MTFR1: variants seen among roughly 807,000 people sequenced by gnomAD.
MTFR1 encodes chondrocyte protein with a poly-proline region.
Under a neutral mutation model 38.8 loss-of-function variants are expected in MTFR1, and 28 were observed. The observed-to-expected ratio is 0.72, with a 90% CI of 0.53 to 0.99. The LOEUF (loss-of-function observed/expected upper bound fraction) is 0.99. Ranked by LOEUF, MTFR1 falls within the 50% of genes least tolerant of loss-of-function variation. The pLI, the probability that MTFR1 is intolerant of heterozygous loss-of-function variation, is 0.00. For missense variants in MTFR1, 358 were observed against 395.5 expected, an observed-to-expected ratio of 0.91 and a Z score of 0.81; for synonymous variants, 145 against 137.0, an observed-to-expected ratio of 1.06 and a Z score of -0.41.
rs542132340 is a variant in MTFR1 at position 65,733,413 on chromosome 8, T to C, written c.*48+13932T>C. Among the ~76,000 whole-genome samples, 4 of 152,308 alleles carry C rather than the reference T, an allele frequency of 2.6e-5. No individual in the cohort carries two copies. In the East Asian group the frequency reaches 7.7e-4, roughly 29 times the overall value. The stretch of plus-strand genomic sequence containing the variant: ...TTACTCATCAATCTCTCCCACAACA[T>C]TCTCAAACAGAGGATGCAGTCTTGG... On this transcript the variant is annotated intron_variant, in intron 3 of 3. Transcript: ENST00000521247.
Position 65,691,352 on chromosome 8 carries a change from A to G in MTFR1, c.166-2292A>G, listed in dbSNP as rs771456203. Among the ~76,000 whole-genome samples, 11 of 152,246 alleles carry G rather than the reference A, an allele frequency of 7.2e-5. No individual in the cohort carries two copies. The Middle Eastern group carries it at 0.01, about 141-fold the overall frequency. The stretch of plus-strand genomic sequence containing the variant: ...GCCCGGGCTGGAGTGTGGTGGTGCG[A>G]TCATGCCTCACTGCAGCCTCTGCCT... On this transcript the variant is annotated intron_variant, in intron 3 of 7. Coordinates refer to ENST00000262146, the MANE Select transcript of MTFR1 (RefSeq NM_014637.4).
At chr8:65,677,832 A>G (rs1804758498) in intron 2 of MTFR1, among the ~76,000 whole-genome samples, 1 of 151,278 alleles carries the variant, frequency 6.6e-6, no homozygotes, top group Non-Finnish European at 1.5e-5. Context: ...CCTGGCCAAC[A>G]TGGTGAAACC....
chr8:65,740,106 T>G (rs1252043591), intron 3 of MTFR1, among the ~76,000 whole-genome samples: 1 of 129,214 alleles, frequency 7.7e-6, no homozygotes, highest in Non-Finnish European at 1.6e-5. Flanking sequence ...TCATCAGGAT[T>G]AAAAACTCTG....
intron 3 of MTFR1, among the ~76,000 whole-genome samples, chr8:65,755,868 T>C (rs1480625569): frequency 6.6e-6 from 1 of 152,196 alleles, no homozygotes; most frequent in African/African-American, 2.4e-5. Context: ...AGAGATCTTC[T>C]TGCCCTAGCC....
At chr8:65,668,467 CATG>C (rs141210863) in intron 1 of MTFR1, among the ~76,000 whole-genome samples, 2,267 of 148,980 alleles carry the variant, frequency 0.015, 70 homozygotes, top group African/African-American at 0.053. Context: ...GGATTACAGA[CATG>C]AGCCACCGCA....
In MTFR1 at chr8:65,763,823, C is replaced by T. The variant is rs2128916021; in HGVS notation, c.*49-7124C>T. 2.6e-5 allele frequency among the ~76,000 whole-genome samples: 4 copies of T among 152,298 alleles called. 1 individual carries two copies. In the Middle Eastern group the frequency reaches 0.01, roughly 389 times the overall value. The stretch of plus-strand genomic sequence containing the variant: ...AAATAAAGCTGAATTTCCAATGTCA[C>T]CAACTTGCCAAAGCACAAGTAAAAT... On this transcript the variant is annotated intron_variant, in intron 3 of 3. Coordinates refer to the MTFR1 transcript ENST00000521247.
At position 65,645,692 on chromosome 8, in the gene MTFR1, T is replaced by TCC. The variant is rs1554544273; in HGVS notation, c.-81+921_-81+922dup. ...AGGCAGGCGCCATCACGCCCGGCTT[T>TCC]CCCCCCCCCCCCCCTTTGTAGAGAT... On this transcript the variant is annotated intron_variant, in intron 1 of 7. Transcript: ENST00000262146. Among the ~76,000 whole-genome samples the TCC allele has an allele frequency of 5.2e-3, 429 of 83,096 alleles. 47 individuals are homozygous for TCC. The highest frequency in any genetic ancestry group is 0.026 in the East Asian group (23 of 884). The allele number at this position is 83,096 out of a possible 152,430, so 54.5% of individuals were successfully genotyped here.
downstream of MTFR1, among the ~76,000 whole-genome samples, chr8:65,773,060 T>A (rs1809156936): frequency 6.6e-6 from 1 of 151,850 alleles, no homozygotes; most frequent in South Asian, 2.1e-4. Flanking sequence ...AGAGAACAAG[T>A]TCAGGCTAAT....
intron 2 of MTFR1, chr8:65,681,964 A>C (rs1409509364): frequency 6.5e-6 from 1 of 154,516 alleles, no homozygotes; most frequent in Non-Finnish European, 1.5e-5. Context: ...AAAGTAACAT[A>C]CATTTAATAA....
At chr8:65,777,359 G>A in the MTFR1 span, among the ~76,000 whole-genome samples, 5 of 151,524 alleles carry the variant, frequency 3.3e-5, no homozygotes, top group Non-Finnish European at 7.4e-5. Context: ...GATTACAAGC[G>A]TGAGCCACAA....
At chr8:65,745,494 TACTGTAATTTA>T in intron 3 of MTFR1, 1 of 1,312,396 alleles carries the variant, frequency 7.6e-7, no homozygotes, top group Non-Finnish European at 1.1e-6. Flanking sequence ...CAAACATTTC[TACTGTAATTTA>T]ATTTCAATAA....
intron 3 of MTFR1, chr8:65,747,946 C>T (rs1807758296): frequency 2.1e-6 from 1 of 486,882 alleles, no homozygotes; most frequent in Non-Finnish European, 3.6e-6. Context: ...AGAAGTGATA[C>T]TTTATTTCTA....
chr8:65,729,602 T>C (rs145881414), intron 3 of MTFR1, among the ~76,000 whole-genome samples: 2,061 of 152,210 alleles, frequency 0.014, 17 homozygotes, highest in South Asian at 0.041. Flanking sequence ...GTCTTGCTGA[T>C]GCCCAGCCTG....
intron 1 of MTFR1, among the ~76,000 whole-genome samples, chr8:65,663,032 C>T (rs1411192726): frequency 6.6e-6 from 1 of 152,108 alleles, no homozygotes; most frequent in South Asian, 2.1e-4. Context: ...GGGAGGTGTA[C>T]TCAACAGCTC....
At chr8:65,751,784 G>C (rs939052352) in intron 3 of MTFR1, among the ~76,000 whole-genome samples, 18 of 152,098 alleles carry the variant, frequency 1.2e-4, no homozygotes, top group African/African-American at 4.1e-4. Flanking sequence ...GAGCCACTGC[G>C]CCCAGCCCTT....
At chr8:65,730,171 C>CTTTTTTTTTTTTTTTTTTTTTTTT (rs1179431555) in intron 3 of MTFR1, among the ~76,000 whole-genome samples, 3 of 86,432 alleles carry the variant, frequency 3.5e-5, no homozygotes, top group South Asian at 9.5e-4. Flanking sequence ...TTGCGCACTT[C>CTTTTTTTTTTTTTTTTTTTTTTTT]TTTTTTTTTT....
At chr8:65,704,575 T>C (rs1036331627) in intron 4 of MTFR1, 119 bp from the exon 5 acceptor site, 23 of 745,914 alleles carry the variant, frequency 3.1e-5, no homozygotes, top group Admixed American at 1.3e-4. Flanking sequence ...AAGGGACTTA[T>C]GTAAGATCAG....
At position 65,693,640 on chromosome 8, in the gene MTFR1, A is replaced by G. The variant is rs1805347576; in HGVS notation, c.166-4A>G. On this transcript the variant is annotated splice_polypyrimidine_tract_variant and splice_region_variant and intron_variant, in intron 3 of 7. Coordinates refer to ENST00000262146, the MANE Select transcript of MTFR1 (RefSeq NM_014637.4). ...GAAGAACTTTCCCTATTTATAACTT[A>G]CAGATTAACAGCCATGCAACAGAAT... 3 of 1,612,624 alleles carry G rather than the reference A, an allele frequency of 1.9e-6. No homozygotes were observed. The highest frequency in any genetic ancestry group is 1.7e-6 in the Non-Finnish European group (2 of 1,178,760).
intron 1 of MTFR1, among the ~76,000 whole-genome samples, 162 bp from the exon 2 acceptor site, chr8:65,669,711 C>A (rs1022986619): frequency 6.6e-6 from 1 of 152,100 alleles, no homozygotes. Flanking sequence ...ACCGCCACGC[C>A]CGGCTAATTT....
Sources: gnomAD v4.1 joint callset for allele counts (sites outside exome capture counted in the v4.1 genomes callset) on GRCh38, gnomAD v4.1.1 for gene constraint, MANE v1.5 for transcripts, NCBI Gene and HGNC (gene_info 2026-07-23, HGNC 2026-07-21) for gene names.